MACROD2: variants seen among roughly 807,000 people sequenced by gnomAD.
MACROD2 encodes the protein ADP-ribose glycohydrolase MACROD2.
MACROD2 carries 36 observed loss-of-function variants against 70.4 expected under a neutral mutation model. The ratio of observed to expected loss-of-function variants is 0.51; its 90% CI spans 0.39 to 0.68. MACROD2 has a LOEUF of 0.68. Among genes scored for constraint, MACROD2 ranks in the 30% least tolerant of loss-of-function variants. The probability of loss-of-function intolerance (pLI) is 0.00; values close to 1 mark genes in which losing one functional copy is unlikely to be tolerated. For missense variants in MACROD2, 496 were observed against 538.4 expected (o/e 0.92, Z 0.78); for synonymous variants, 172 against 178.8 (o/e 0.96, Z 0.30).
chr20:15,545,657 G>A (rs2048016389), intron 8 of MACROD2, among the ~76,000 whole-genome samples: 1 of 152,178 alleles, frequency 6.6e-6, no homozygotes, highest in Non-Finnish European at 1.5e-5. Context: ...GTGACCAGAG[G>A]TCAGTGCTTT....
chr20:14,254,758 G>T (rs1285272251), intron 3 of MACROD2, among the ~76,000 whole-genome samples: 4 of 152,110 alleles, frequency 2.6e-5, no homozygotes, highest in African/African-American at 9.7e-5. Flanking sequence ...GGTTAATATT[G>T]TTATGTGTGA....
chr20:15,784,328 T>G (rs554247114), intron 8 of MACROD2, among the ~76,000 whole-genome samples: 1 of 152,244 alleles, frequency 6.6e-6, no homozygotes, highest in Middle Eastern at 3.4e-3. Context: ...AGGAATGATT[T>G]TTTTCTACTT....
intron 6 of MACROD2, among the ~76,000 whole-genome samples, chr20:15,397,650 G>C (rs1424308050): frequency 6.6e-6 from 1 of 152,090 alleles, no homozygotes; most frequent in African/African-American, 2.4e-5. Context: ...TTAAAATCAA[G>C]GTAGATCTTA....
intron 3 of MACROD2, among the ~76,000 whole-genome samples, chr20:14,410,495 G>T (rs1004970005): frequency 1.3e-5 from 2 of 152,092 alleles, no homozygotes; most frequent in African/African-American, 4.8e-5. Flanking sequence ...TTCTGTTCCT[G>T]TGTTAATGCG....
intron 8 of MACROD2, among the ~76,000 whole-genome samples, chr20:15,675,581 T>C (rs992073105): frequency 1.3e-5 from 2 of 152,278 alleles, no homozygotes; most frequent in South Asian, 2.1e-4. Context: ...TTTGAAAAAT[T>C]GTGAATGTTG....
chr20:14,904,724 C>T (rs949676786), intron 5 of MACROD2, among the ~76,000 whole-genome samples: 2 of 152,210 alleles, frequency 1.3e-5, no homozygotes, highest in African/African-American at 4.8e-5. Flanking sequence ...ATATGAATAA[C>T]AATAGCTGTT....
chr20:15,302,223 T>C (rs1274110837), intron 6 of MACROD2, among the ~76,000 whole-genome samples: 2 of 152,186 alleles, frequency 1.3e-5, no homozygotes, highest in African/African-American at 4.8e-5. Context: ...AATGTCTTTC[T>C]GAAGGTCATT....
intron 15 of MACROD2, among the ~76,000 whole-genome samples, chr20:16,003,790 C>T (rs1057265200): frequency 1.3e-5 from 2 of 152,100 alleles, no homozygotes; most frequent in Admixed American, 6.5e-5. Flanking sequence ...CCTGCCTCAG[C>T]CTCCTGAGTA....
chr20:14,326,027 G>A lies in MACROD2; in HGVS notation c.272-167452G>A. The A allele has an allele frequency of 6.2e-7, 1 of 1,613,886 alleles. No homozygotes were observed. Among genetic ancestry groups the A allele is most frequent in the Non-Finnish European group, 8.5e-7 (1 of 1,179,870 alleles). On this transcript the variant is annotated intron_variant, in intron 3 of 17. Coordinates refer to ENST00000684519, the MANE Select transcript of MACROD2 (RefSeq NM_001351661.2). The surrounding 1 kb of genome is among the most constrained non-coding windows in gnomAD (Gnocchi z 5.5). ...GCAGTTTCAGTCTCAATACAAACAG[G>A]AGTTTCATCAAATAGGTAGAGGTTG...
At chr20:14,469,068 G>T (rs2084495272) in intron 3 of MACROD2, among the ~76,000 whole-genome samples, 1 of 152,044 alleles carries the variant, frequency 6.6e-6, no homozygotes, top group South Asian at 2.1e-4. Flanking sequence ...GCTGGTATCG[G>T]TTTTTTCTTT....
At chr20:14,276,262 T>C (rs1465425573) in intron 3 of MACROD2, among the ~76,000 whole-genome samples, 28 of 150,664 alleles carry the variant, frequency 1.9e-4, no homozygotes, top group African/African-American at 6.6e-4. Context: ...ATTAAGAAAA[T>C]GTGGCACATA....
chr20:14,767,915 T>A (rs936542597), intron 5 of MACROD2, among the ~76,000 whole-genome samples: 5 of 152,096 alleles, frequency 3.3e-5, no homozygotes, highest in African/African-American at 1.2e-4. Context: ...TTGTATTAGT[T>A]TGGTGAGAAT....
chr20:14,269,691 T>C (rs1000903070), intron 3 of MACROD2, among the ~76,000 whole-genome samples: 8 of 152,176 alleles, frequency 5.3e-5, no homozygotes, highest in African/African-American at 1.9e-4. Flanking sequence ...GTAAGAATAA[T>C]GCATGGTTTA....
intron 3 of MACROD2, among the ~76,000 whole-genome samples, chr20:14,232,914 C>T (rs143600648): frequency 3.9e-5 from 6 of 152,254 alleles, no homozygotes; most frequent in East Asian, 3.9e-4. Context: ...AGCTTTTGAT[C>T]GAAAGTGAGA....
At chr20:14,402,111 T>A (rs2083643932) in intron 3 of MACROD2, among the ~76,000 whole-genome samples, 1 of 152,154 alleles carries the variant, frequency 6.6e-6, no homozygotes, top group Non-Finnish European at 1.5e-5. Context: ...CAATTATAAG[T>A]GTATGTGTAT....
At chr20:14,390,690 T>C (rs533759384) in intron 3 of MACROD2, among the ~76,000 whole-genome samples, 1 of 152,336 alleles carries the variant, frequency 6.6e-6, no homozygotes, top group South Asian at 2.1e-4. Context: ...ACTAGCCATA[T>C]ACAGAGATTA....
At chr20:15,879,760 C>G (rs1244982151) in intron 9 of MACROD2, among the ~76,000 whole-genome samples, 1 of 152,018 alleles carries the variant, frequency 6.6e-6, no homozygotes, top group East Asian at 1.9e-4. Flanking sequence ...ATTATGAAGG[C>G]TGTTAAGTCC....
intron 5 of MACROD2, among the ~76,000 whole-genome samples, chr20:15,151,240 A>T (rs1174553384): frequency 6.6e-6 from 1 of 152,034 alleles, no homozygotes; most frequent in Non-Finnish European, 1.5e-5. Flanking sequence ...CTTACGAGGA[A>T]TCCCAGGCTG....
At chr20:14,528,446 G>A (rs941440441) in intron 4 of MACROD2, among the ~76,000 whole-genome samples, 4 of 151,872 alleles carry the variant, frequency 2.6e-5, no homozygotes, top group East Asian at 3.9e-4. Flanking sequence ...GAGCCACCGT[G>A]CCTGGACTGA....
Sources: allele counts gnomAD v4.1 joint callset (sites outside exome capture counted in the v4.1 genomes callset), GRCh38; gene constraint gnomAD v4.1.1; non-coding constraint Gnocchi (gnomAD v3.1); transcripts MANE v1.5; gene names NCBI Gene and HGNC (gene_info 2026-07-23, HGNC 2026-07-21).